TMEM178B: variants seen among roughly 807,000 people sequenced by gnomAD.
TMEM178B encodes transmembrane protein 178B.
A neutral mutation model predicts 31.0 loss-of-function variants in TMEM178B; 5 were observed. The ratio of observed to expected loss-of-function variants is 0.16; its 90% CI spans 0.08 to 0.34. The LOEUF (loss-of-function observed/expected upper bound fraction) is 0.34, where lower values mean the gene tolerates loss of function less well. Among genes scored for constraint, TMEM178B ranks in the 10% least tolerant of loss-of-function variants. TMEM178B has a pLI of 1.00. For missense variants in TMEM178B, 275 were observed against 400.3 expected (o/e 0.69, Z 2.67); for synonymous variants, 164 against 164.0 (o/e 1.00, Z 0.00).
intron 1 of TMEM178B, among the ~76,000 whole-genome samples, chr7:141,086,578 TA>T (rs1303424847): frequency 6.6e-6 from 1 of 152,178 alleles, no homozygotes; most frequent in East Asian, 1.9e-4. Context: ...ATTGTATGCA[TA>T]AAAATATGCA....
chr7:141,208,622 C>T (rs1186534000), intron 1 of TMEM178B, among the ~76,000 whole-genome samples: 1 of 152,220 alleles, frequency 6.6e-6, no homozygotes, highest in Admixed American at 6.5e-5. Context: ...TGAAGCGGGG[C>T]TGTGGTGGCT....
At chr7:141,151,880 CTG>C (rs1395192200) in intron 1 of TMEM178B, among the ~76,000 whole-genome samples, 1 of 152,214 alleles carries the variant, frequency 6.6e-6, no homozygotes, top group African/African-American at 2.4e-5. Context: ...TCTGGCCACA[CTG>C]TGTCCTGTGG....
chr7:141,379,715 G>C (rs1800281058), intron 2 of TMEM178B, among the ~76,000 whole-genome samples: 1 of 152,162 alleles, frequency 6.6e-6, no homozygotes, highest in Non-Finnish European at 1.5e-5. Flanking sequence ...TGGACACAGA[G>C]CTTCATAGAT....
chr7:141,252,449 G>T (rs1004274108), intron 2 of TMEM178B, among the ~76,000 whole-genome samples: 1 of 152,178 alleles, frequency 6.6e-6, no homozygotes, highest in African/African-American at 2.4e-5. Flanking sequence ...TGAACTCTTC[G>T]ATAACCCCAA....
Position 141,461,357 on chromosome 7 carries a change from C to T in TMEM178B, c.635-9179C>T, listed in dbSNP as rs578091267. On this transcript the variant is annotated intron_variant, in intron 3 of 3. Coordinates refer to ENST00000565468, the MANE Select transcript of TMEM178B (RefSeq NM_001195278.2). The surrounding 1 kb of genome is among the most constrained non-coding windows in gnomAD (Gnocchi z 4.0). ...GCCAGGATTGGGGATCCGCAGACAC[C>T]GTTCCACATTCCTGGGAGCAGAAAA... Among the ~76,000 whole-genome samples, 16 of 152,318 alleles carry T rather than the reference C, an allele frequency of 1.1e-4. No homozygotes were observed. The highest frequency in any genetic ancestry group is 3.1e-4 in the African/African-American group (13 of 41,576).
chr7:141,154,308 T>A (rs1796030028), intron 1 of TMEM178B, among the ~76,000 whole-genome samples: 1 of 152,228 alleles, frequency 6.6e-6, no homozygotes, highest in African/African-American at 2.4e-5. Context: ...GCAAAGCCCT[T>A]GCCTCAGGCC....
intron 2 of TMEM178B, among the ~76,000 whole-genome samples, chr7:141,217,465 T>C (rs1797175715): frequency 6.6e-6 from 1 of 152,136 alleles, no homozygotes; most frequent in East Asian, 1.9e-4. Flanking sequence ...TGGGATGGCA[T>C]GGAGCTGGGC....
At chr7:141,220,358 ATAAAAT>A (rs1237848001) in intron 2 of TMEM178B, among the ~76,000 whole-genome samples, 1 of 105,704 alleles carries the variant, frequency 9.5e-6, no homozygotes, top group Non-Finnish European at 1.9e-5. Context: ...AATAATAATA[ATAAAAT>A]AATAAATGCA....
At chr7:141,248,679 T>TA (rs1407902714) in intron 2 of TMEM178B, among the ~76,000 whole-genome samples, 2 of 152,030 alleles carry the variant, frequency 1.3e-5, no homozygotes, top group African/African-American at 4.8e-5. Context: ...GTATAAAAGG[T>TA]AAAAAATGAT....
intron 2 of TMEM178B, among the ~76,000 whole-genome samples, chr7:141,404,706 C>G (rs898818407): frequency 3.3e-5 from 5 of 152,208 alleles, no homozygotes; most frequent in Admixed American, 6.5e-5. Context: ...AGGTCACATT[C>G]ATAGGCACCA....
intron 2 of TMEM178B, among the ~76,000 whole-genome samples, chr7:141,238,772 TC>T (rs1222555880): frequency 6.6e-6 from 1 of 152,192 alleles, no homozygotes; most frequent in Non-Finnish European, 1.5e-5. Context: ...CCACGTAGCT[TC>T]CCTGTGACCA....
At chr7:141,392,479 T>TAGG (rs1336301525) in intron 2 of TMEM178B, among the ~76,000 whole-genome samples, 1 of 152,206 alleles carries the variant, frequency 6.6e-6, no homozygotes, top group Non-Finnish European at 1.5e-5. Context: ...GTCATCCACT[T>TAGG]CAGTGTAAAT....
At chr7:141,214,687 A>G (rs1797103236) in intron 2 of TMEM178B, among the ~76,000 whole-genome samples, 1 of 152,124 alleles carries the variant, frequency 6.6e-6, no homozygotes, top group South Asian at 2.1e-4. Flanking sequence ...GACAGAGAGG[A>G]GAGGATAATG....
chr7:141,164,235 A>G (rs1796226078), intron 1 of TMEM178B, among the ~76,000 whole-genome samples: 1 of 152,240 alleles, frequency 6.6e-6, no homozygotes, highest in African/African-American at 2.4e-5. Context: ...TCACAAAATT[A>G]TAATTTGCAG....
chr7:141,240,178 A>G (rs1028158255), intron 2 of TMEM178B, among the ~76,000 whole-genome samples: 4 of 152,180 alleles, frequency 2.6e-5, no homozygotes, highest in African/African-American at 9.7e-5. Context: ...TGGCTACTGT[A>G]TTGGATAGTT....
chr7:141,272,412 A>G (rs945297893), intron 2 of TMEM178B, among the ~76,000 whole-genome samples: 1 of 152,242 alleles, frequency 6.6e-6, no homozygotes, highest in African/African-American at 2.4e-5. Flanking sequence ...CTGGTTCTAA[A>G]ACAAGGAATA....
At chr7:141,386,042 G>T (rs549135266) in intron 2 of TMEM178B, among the ~76,000 whole-genome samples, 1 of 152,158 alleles carries the variant, frequency 6.6e-6, no homozygotes, top group Non-Finnish European at 1.5e-5. Flanking sequence ...CTACCTTTCA[G>T]CACTTCTCAG....
intron 1 of TMEM178B, among the ~76,000 whole-genome samples, chr7:141,173,766 A>G (rs767642057): frequency 6.6e-5 from 10 of 152,122 alleles, no homozygotes; most frequent in Non-Finnish European, 1.3e-4. Context: ...TGTGTCATAC[A>G]TTAGCCATTG....
rs1481437493 is a variant in TMEM178B at position 141,349,995 on chromosome 7, CCATGCATG to C, written c.497-87609_497-87602del. ...TCCATCCATCCATCCATCCATCCAT[CCATGCATG>C]CATCCATCCATGCATCTATCTGTCC... On this transcript the variant is annotated intron_variant, in intron 2 of 3. Coordinates refer to ENST00000565468, the MANE Select transcript of TMEM178B (RefSeq NM_001195278.2). Among the ~76,000 whole-genome samples the C allele has an allele frequency of 2.0e-5, 3 of 151,488 alleles. No individual in the cohort carries two copies. The South Asian group carries it at 6.3e-4, about 32-fold the overall frequency.
Sources: gnomAD v4.1 joint callset for allele counts (sites outside exome capture counted in the v4.1 genomes callset) on GRCh38, gnomAD v4.1.1 for gene constraint, Gnocchi (gnomAD v3.1) non-coding constraint, MANE v1.5 for transcripts, NCBI Gene and HGNC (gene_info 2026-07-23, HGNC 2026-07-21) for gene names.